Variants in SIL1 observed in about 807,000 individuals in gnomAD.
The protein encoded by SIL1 is SIL1 nucleotide exchange factor, also known as nucleotide exchange factor SIL1.
SIL1 carries 40 observed loss-of-function variants against 49.1 expected under a neutral mutation model. The ratio of observed to expected loss-of-function variants is 0.81; its 90% CI spans 0.63 to 1.06. The LOEUF (loss-of-function observed/expected upper bound fraction) is 1.06, where lower values mean the gene tolerates loss of function less well. Among genes scored for constraint, SIL1 ranks in the 50% least tolerant of loss-of-function variants. SIL1 has a pLI of 0.00. For synonymous variants in SIL1, 253 were observed against 250.8 expected, an observed-to-expected ratio of 1.01 and a Z score of -0.08; for missense variants, 500 against 572.6, an observed-to-expected ratio of 0.87 and a Z score of 1.29.
chr5:139,177,431 G>A (rs1298600399), intron 1 of SIL1, among the ~76,000 whole-genome samples: 2 of 151,244 alleles, frequency 1.3e-5, no homozygotes, highest in African/African-American at 2.4e-5. Flanking sequence ...GTAGAGATGA[G>A]GTTTCATCAT....
chr5:139,106,481 A>T (rs1371483314), intron 3 of SIL1, among the ~76,000 whole-genome samples: 3 of 152,252 alleles, frequency 2.0e-5, no homozygotes, highest in African/African-American at 7.2e-5. Context: ...TGACAATAAG[A>T]TGTGTAAATC....
At chr5:139,140,691 A>C (rs972162686) in intron 1 of SIL1, among the ~76,000 whole-genome samples, 1 of 152,224 alleles carries the variant, frequency 6.6e-6, no homozygotes, top group African/African-American at 2.4e-5. Flanking sequence ...ACCTTCTACA[A>C]GGGATGGTAG....
At chr5:138,977,132 T>C (rs1191519899) in intron 7 of SIL1, among the ~76,000 whole-genome samples, 1 of 152,192 alleles carries the variant, frequency 6.6e-6, no homozygotes, top group African/African-American at 2.4e-5. Context: ...CCAGGTGCCA[T>C]GGCCAAAGAC....
chr5:139,168,214 A>G (rs1751662932), intron 1 of SIL1, among the ~76,000 whole-genome samples: 1 of 152,232 alleles, frequency 6.6e-6, no homozygotes, highest in Non-Finnish European at 1.5e-5. Context: ...GCACAAGGAC[A>G]AAAATCACTT....
chr5:139,055,644 CTCTCCCCA>C (rs1769393226), intron 3 of SIL1, among the ~76,000 whole-genome samples: 1 of 129,388 alleles, frequency 7.7e-6, no homozygotes, highest in African/African-American at 3.0e-5. Context: ...CCCCCTCTCC[CTCTCCCCA>C]CGGTCTCCCT....
chr5:138,990,179 C>G (rs1289671486), intron 7 of SIL1, among the ~76,000 whole-genome samples: 1 of 152,194 alleles, frequency 6.6e-6, no homozygotes, highest in African/African-American at 2.4e-5. Flanking sequence ...TGAGCGTACA[C>G]TTACCCAAGA....
intron 1 of SIL1, among the ~76,000 whole-genome samples, chr5:139,173,314 C>T (rs1751812343): frequency 6.6e-6 from 1 of 152,096 alleles, no homozygotes; most frequent in Non-Finnish European, 1.5e-5. Flanking sequence ...ACTTTGGAGA[C>T]CAAGGCAGGC....
chr5:139,021,702 C>A, intron 6 of SIL1: 1 of 255,732 alleles, frequency 3.9e-6, no homozygotes, highest in Non-Finnish European at 7.6e-6. Context: ...ACAGTGGAGG[C>A]AGATTTTTAA....
intron 1 of SIL1, among the ~76,000 whole-genome samples, chr5:139,144,423 A>G (rs1751152504): frequency 6.6e-6 from 1 of 152,232 alleles, no homozygotes; most frequent in Non-Finnish European, 1.5e-5. Context: ...ATAAGGCTAG[A>G]GTAATCAAAA....
chr5:139,054,948 G>C (rs542620832), intron 3 of SIL1, among the ~76,000 whole-genome samples: 2 of 152,318 alleles, frequency 1.3e-5, no homozygotes, highest in East Asian at 3.9e-4. Context: ...TAGAAAGATA[G>C]TATAATCTGA....
At chr5:138,964,191 G>C (rs1286569098) in intron 7 of SIL1, among the ~76,000 whole-genome samples, 3 of 152,194 alleles carry the variant, frequency 2.0e-5, no homozygotes, top group African/African-American at 7.2e-5. Flanking sequence ...ATTTGTCTGA[G>C]GCTCTTTGTC....
chr5:139,111,460 C>T (rs1770836098), intron 3 of SIL1, among the ~76,000 whole-genome samples: 1 of 152,114 alleles, frequency 6.6e-6, no homozygotes, highest in African/African-American at 2.4e-5. Context: ...AACCTCTCTC[C>T]ATCCAGCTCC....
At chr5:138,979,214 A>G (rs1288178702) in intron 7 of SIL1, among the ~76,000 whole-genome samples, 1 of 151,794 alleles carries the variant, frequency 6.6e-6, no homozygotes, top group Admixed American at 6.6e-5. Context: ...ACAGGAGTGC[A>G]CCACCACGCC....
At chr5:139,104,888 C>T (rs1198726560) in intron 3 of SIL1, among the ~76,000 whole-genome samples, 2 of 152,106 alleles carry the variant, frequency 1.3e-5, no homozygotes, top group Admixed American at 6.5e-5. Flanking sequence ...GTCCCAGGAA[C>T]GTGAGAGACT....
At chr5:139,116,245 A>C (rs1271774014) in intron 3 of SIL1, among the ~76,000 whole-genome samples, 2 of 152,258 alleles carry the variant, frequency 1.3e-5, no homozygotes, top group African/African-American at 4.8e-5. Context: ...TGATCTGACC[A>C]GATGGCTGGT....
chr5:139,063,425 G>A (rs1186908542), intron 3 of SIL1, among the ~76,000 whole-genome samples: 1 of 152,206 alleles, frequency 6.6e-6, no homozygotes, highest in East Asian at 1.9e-4. Flanking sequence ...TTCCTAGCTA[G>A]TTGATGCCTC....
In SIL1 at chr5:138,947,496, G is replaced by T. The variant is rs748306272; in HGVS notation, c.1030-23C>A. ...CATCTGCCATCCGCCACAGCCGCAG[G>T]CCAGGTAGGGTGGGGGTGGGGAGAG... On this transcript the variant is annotated intron_variant, in intron 9 of 9. Transcript: ENST00000394817. The surrounding 1 kb of genome is among the most constrained non-coding windows in gnomAD (Gnocchi z 4.1). The T allele has an allele frequency of 8.7e-6, 14 of 1,606,966 alleles. No homozygotes were observed. Among genetic ancestry groups the T allele is most frequent in the Non-Finnish European group, 4.3e-6 (5 of 1,174,320 alleles).
intron 3 of SIL1, chr5:139,107,918 T>G (rs966212205): frequency 1.3e-5 from 2 of 152,208 alleles, no homozygotes; most frequent in African/African-American, 4.8e-5. Context: ...ATCTTTACTG[T>G]AATTAAGTAA....
rs557178314 is a variant in SIL1 at position 138,966,079 on chromosome 5, G to A, written c.768-14195C>T. On this transcript the variant is annotated intron_variant, in intron 7 of 9. Coordinates refer to ENST00000394817, the MANE Select transcript of SIL1 (RefSeq NM_022464.5). ...CTGTCAAATGAGGGTTACTTCATGA[G>A]GCTACCGAGGATTAAATGAGATACC... Among the ~76,000 whole-genome samples, 8 of 152,100 alleles carry A rather than the reference G, an allele frequency of 5.3e-5. No individual in the cohort carries two copies. In the South Asian group the frequency reaches 1.7e-3, roughly 32 times the overall value.
Sources: allele counts gnomAD v4.1 joint callset (sites outside exome capture counted in the v4.1 genomes callset), GRCh38; gene constraint gnomAD v4.1.1; non-coding constraint Gnocchi (gnomAD v3.1); transcripts MANE v1.5; gene names NCBI Gene and HGNC (gene_info 2026-07-23, HGNC 2026-07-21).